Variants in SHROOM3 observed in about 807,000 individuals in gnomAD.
SHROOM3 encodes shroom family member 3.
Under a neutral mutation model 138.6 loss-of-function variants are expected in SHROOM3, and 47 were observed. That is an observed-to-expected ratio of 0.34 (90% CI 0.27 to 0.43). The LOEUF (loss-of-function observed/expected upper bound fraction) is 0.43. Among genes scored for constraint, SHROOM3 ranks in the 20% least tolerant of loss-of-function variants. The probability of loss-of-function intolerance (pLI) is 1.00; values close to 1 mark genes in which losing one functional copy is unlikely to be tolerated. For missense variants in SHROOM3, 2,491 were observed against 2,596.5 expected (o/e 0.96, Z 0.88); for synonymous variants, 1,062 against 1,063.3 (o/e 1.00, Z 0.02).
intron 2 of SHROOM3, 89 bp downstream of exon 2, chr4:76,555,852 G>T: frequency 5.4e-6 from 8 of 1,471,976 alleles, no homozygotes; most frequent in Non-Finnish European, 7.4e-6. Flanking sequence ...AGAGCTCGGG[G>T]TTGGTAGCTT....
intron 2 of SHROOM3, among the ~76,000 whole-genome samples, chr4:76,605,766 G>GA (rs1415752233): frequency 6.6e-6 from 1 of 151,332 alleles, no homozygotes; most frequent in African/African-American, 2.4e-5. Flanking sequence ...TAAATAGATG[G>GA]AAAAAATCCT....
In SHROOM3 at chr4:76,633,833, A is replaced by G. The variant is rs1045406876; in HGVS notation, c.324-76323A>G. ...GGAACCCAGGCAGTCTGGGAGCTCC[A>G]GGCCCCTAGTCTCAACCAATATGCT... On this transcript the variant is annotated intron_variant, in intron 2 of 10. Transcript: ENST00000296043. Among the ~76,000 whole-genome samples the G allele has an allele frequency of 2.0e-5, 3 of 152,298 alleles. No homozygotes were observed. The East Asian group carries it at 5.8e-4, about 29-fold the overall frequency.
chr4:76,630,602 ACATGGGGAAATCATTTTTTTTC>A (rs1174685344), intron 2 of SHROOM3, among the ~76,000 whole-genome samples: 2 of 152,186 alleles, frequency 1.3e-5, no homozygotes, highest in African/African-American at 4.8e-5. Flanking sequence ...GGAAGCTGGG[ACATGGGGAAATCATTTTTTTTC>A]CATTCAATCA....
chr4:76,758,457 T>TTAA (rs1721890643), intron 8 of SHROOM3: 1 of 141,274 alleles, frequency 7.1e-6, no homozygotes, highest in African/African-American at 2.6e-5. Context: ...CCTGGGGATT[T>TTAA]AAAAAAAAAA....
intron 10 of SHROOM3, among the ~76,000 whole-genome samples, chr4:76,774,115 G>A (rs1560625465): frequency 6.6e-6 from 1 of 152,116 alleles, no homozygotes; most frequent in Admixed American, 6.5e-5. Context: ...ATTAGCAAGG[G>A]GCATGTTAGA....
At chr4:76,666,328 G>A (rs753711262) in intron 2 of SHROOM3, among the ~76,000 whole-genome samples, 1 of 152,176 alleles carries the variant, frequency 6.6e-6, no homozygotes, top group African/African-American at 2.4e-5. Flanking sequence ...AGCCTGCCTG[G>A]TGTAATCACG....
In SHROOM3 at chr4:76,445,325, G is replaced by T. The variant is rs116492710; in HGVS notation, c.168+9105G>T. 6.3e-3 allele frequency among the ~76,000 whole-genome samples: 959 copies of T among 152,168 alleles called. 11 individuals are homozygous for T. Among genetic ancestry groups the T allele is most frequent in the African/African-American group, 0.022 (917 of 41,492 alleles). On this transcript the variant is annotated intron_variant, in intron 1 of 10. Transcript: ENST00000296043. ...ATAGAGCTTATATTCCAACAGAAGG[G>T]GACTGGCAATAAACATGTTTGTATA...
At chr4:76,440,739 C>T (rs1379174122) in intron 1 of SHROOM3, among the ~76,000 whole-genome samples, 1 of 152,188 alleles carries the variant, frequency 6.6e-6, no homozygotes, top group Non-Finnish European at 1.5e-5. Flanking sequence ...CATCAACACT[C>T]AGCAATGTGC....
intron 2 of SHROOM3, among the ~76,000 whole-genome samples, chr4:76,606,502 G>A (rs942619829): frequency 2.0e-5 from 3 of 151,926 alleles, no homozygotes; most frequent in East Asian, 3.9e-4. Context: ...TCAGGAGTTG[G>A]AGACCAGCCT....
rs762786277 is a variant in SHROOM3 at position 76,740,583 on chromosome 4, G to A, written c.2410G>A (p.Gly804Ser). ...CCAGAGACCGAGTGTGGGCGGCTCT[G>A]GTTTTGGCCATAACTATAGGCCCCA... ...GSQRPSVGGS[G>S]FGHNYRPHRT... Residue 804 changes from glycine (G) to serine (S), a missense_variant, in exon 5 of 11, where the codon GGT becomes AGT. Around this residue, in one of 4 missense-constraint regions of SHROOM3, gnomAD observed 1,733 missense variants for 1,661.6 expected, o/e 1.04. Transcript: ENST00000296043. The surrounding 1 kb of genome is among the most constrained non-coding windows in gnomAD (Gnocchi z 4.0). 1 of 1,614,160 alleles carries A rather than the reference G, an allele frequency of 6.2e-7. No individual in the cohort carries two copies. Among genetic ancestry groups the A allele is most frequent in the South Asian group, 1.1e-5 (1 of 91,084 alleles).
chr4:76,538,165 C>G (rs1052733503), intron 1 of SHROOM3, among the ~76,000 whole-genome samples: 3 of 152,192 alleles, frequency 2.0e-5, no homozygotes, highest in African/African-American at 4.8e-5. Context: ...TCCCAAAGTG[C>G]TGGGATTACA....
chr4:76,517,038 C>A (rs1732457456), intron 1 of SHROOM3, among the ~76,000 whole-genome samples: 1 of 152,204 alleles, frequency 6.6e-6, no homozygotes. Flanking sequence ...ATACAACACA[C>A]TTGGTGACTT....
At chr4:76,512,236 G>T (rs1732352771) in intron 1 of SHROOM3, among the ~76,000 whole-genome samples, 1 of 152,152 alleles carries the variant, frequency 6.6e-6, no homozygotes, top group Admixed American at 6.5e-5. Flanking sequence ...TCTGATAGAT[G>T]CCACATGACT....
intron 8 of SHROOM3, among the ~76,000 whole-genome samples, chr4:76,757,397 T>C (rs1277624544): frequency 1.3e-5 from 2 of 152,136 alleles, no homozygotes; most frequent in Non-Finnish European, 2.9e-5. Context: ...AATTACACAG[T>C]GCCCCCAGCT....
intron 1 of SHROOM3, among the ~76,000 whole-genome samples, chr4:76,492,211 T>C (rs1731868108): frequency 6.6e-6 from 1 of 152,200 alleles, no homozygotes; most frequent in Admixed American, 6.5e-5. Context: ...GCTCTTTTCA[T>C]TTGCTTCTTC....
chr4:76,762,907 A>G (rs1016003280), intron 9 of SHROOM3, among the ~76,000 whole-genome samples: 1 of 152,198 alleles, frequency 6.6e-6, no homozygotes, highest in Non-Finnish European at 1.5e-5. Flanking sequence ...CTCCTCCAGG[A>G]AGATAAAACC....
chr4:76,717,872 A>G (rs180938777), intron 3 of SHROOM3, among the ~76,000 whole-genome samples: 167 of 152,340 alleles, frequency 1.1e-3, no homozygotes, highest in Non-Finnish European at 1.8e-3. Flanking sequence ...ATTTAACTCC[A>G]TCACAATTGA....
At chr4:76,573,850 T>C (rs933052253) in intron 2 of SHROOM3, among the ~76,000 whole-genome samples, 6 of 152,046 alleles carry the variant, frequency 3.9e-5, no homozygotes, top group African/African-American at 1.4e-4. Flanking sequence ...CCTAGGATCA[T>C]CTCACCCCAC....
intron 2 of SHROOM3, among the ~76,000 whole-genome samples, chr4:76,596,295 C>G: frequency 6.6e-6 from 1 of 152,052 alleles, no homozygotes; most frequent in East Asian, 1.9e-4. Context: ...GCCTATGATC[C>G]CAGCTACTTG....
Sources: gnomAD v4.1 joint callset for allele counts (sites outside exome capture counted in the v4.1 genomes callset) on GRCh38, gnomAD v4.1.1 for gene constraint, gnomAD v4.1.1 regional missense constraint, Gnocchi (gnomAD v3.1) non-coding constraint, MANE v1.5 for transcripts, NCBI Gene and HGNC (gene_info 2026-07-23, HGNC 2026-07-21) for gene names.